ABTB2: variants seen among roughly 807,000 people sequenced by gnomAD.
The protein encoded by ABTB2 is ankyrin repeat and BTB domain containing 2.
In ABTB2, 56 loss-of-function variants were observed where a neutral mutation model predicts 104.1. The observed-to-expected ratio is 0.54, with a 90% confidence interval of 0.43 to 0.67. ABTB2 has a LOEUF of 0.67. Ranked by LOEUF, ABTB2 falls within the 30% of genes least tolerant of loss-of-function variation. The probability of loss-of-function intolerance (pLI) is 0.00; values close to 1 mark genes in which losing one functional copy is unlikely to be tolerated. For synonymous variants in ABTB2, 606 were observed against 608.2 expected (o/e 1.00, Z 0.05); for missense variants, 1,279 against 1,407.7 (o/e 0.91, Z 1.46).
intron 3 of ABTB2, among the ~76,000 whole-genome samples, chr11:34,192,602 C>T (rs1017498247): frequency 5.9e-5 from 9 of 152,316 alleles, no homozygotes; most frequent in South Asian, 4.1e-4. Flanking sequence ...TCCACAGAGG[C>T]GGAGACGTGC....
intron 1 of ABTB2, among the ~76,000 whole-genome samples, chr11:34,285,054 G>A (rs1854488140): frequency 6.6e-6 from 1 of 152,246 alleles, no homozygotes; most frequent in Non-Finnish European, 1.5e-5. Flanking sequence ...TGGACAATCT[G>A]ATAAAGCCTT....
intron 1 of ABTB2, among the ~76,000 whole-genome samples, chr11:34,342,410 T>C (rs779746137): frequency 1.3e-5 from 2 of 152,158 alleles, no homozygotes; most frequent in Non-Finnish European, 2.9e-5. Flanking sequence ...CATTCATTTC[T>C]TTGCTCAGGA....
intron 1 of ABTB2, among the ~76,000 whole-genome samples, chr11:34,227,019 A>G (rs289984): frequency 0.85 from 128,672 of 151,930 alleles, 54,603 homozygotes; most frequent in East Asian, 1. Context: ...CTGAGATGGC[A>G]CCACTGCCCT....
chr11:34,351,644 C>T (rs1174045132), intron 1 of ABTB2, among the ~76,000 whole-genome samples: 1 of 152,120 alleles, frequency 6.6e-6, no homozygotes, highest in Non-Finnish European at 1.5e-5. Flanking sequence ...AATTTTAAAC[C>T]TGTATGGCGG....
At chr11:34,297,945 C>T (rs1303932342) in intron 1 of ABTB2, among the ~76,000 whole-genome samples, 1 of 152,032 alleles carries the variant, frequency 6.6e-6, no homozygotes, top group Non-Finnish European at 1.5e-5. Context: ...GGACATTGGG[C>T]TATCCTGACT....
chr11:34,172,629 C>T (rs914486135), intron 4 of ABTB2, among the ~76,000 whole-genome samples: 12 of 151,902 alleles, frequency 7.9e-5, no homozygotes, highest in South Asian at 4.2e-4. Context: ...AATCTGGGCA[C>T]GGTAAAGTGC....
At chr11:34,253,597 C>T (rs552379283) in intron 1 of ABTB2, among the ~76,000 whole-genome samples, 2 of 152,074 alleles carry the variant, frequency 1.3e-5, no homozygotes, top group East Asian at 1.9e-4. Context: ...AATCCCTTGA[C>T]CCCGGGAGGC....
chr11:34,193,831 G>A (rs1167052260), intron 3 of ABTB2, among the ~76,000 whole-genome samples: 1 of 152,224 alleles, frequency 6.6e-6, no homozygotes, highest in East Asian at 1.9e-4. Flanking sequence ...GATGAAAGGA[G>A]GTTAGAGGCT....
At chr11:34,189,630 T>C (rs1028270112) in intron 3 of ABTB2, among the ~76,000 whole-genome samples, 13 of 152,200 alleles carry the variant, frequency 8.5e-5, no homozygotes, top group African/African-American at 3.1e-4. Context: ...CTAATTTTTA[T>C]GTTTTTAAAG....
chr11:34,231,593 C>T (rs2926466), intron 1 of ABTB2, among the ~76,000 whole-genome samples: 105,346 of 151,944 alleles, frequency 0.69, 36,596 homozygotes, highest in Middle Eastern at 0.8. Flanking sequence ...TCTCCTGAGA[C>T]GAAGTTTCAC....
chr11:34,200,485 C>T lies in ABTB2; in HGVS notation c.1031-2947G>A, dbSNP rs1303291661. Among the ~76,000 whole-genome samples the T allele has an allele frequency of 5.9e-5, 9 of 152,182 alleles. 1 individual carries two copies. Among genetic ancestry groups the T allele is most frequent in the African/African-American group, 1.9e-4 (8 of 41,448 alleles). On this transcript the variant is annotated intron_variant, in intron 2 of 16. Coordinates refer to ENST00000435224, the MANE Select transcript of ABTB2 (RefSeq NM_145804.3). ...AAGCCCTGCTATGGTCAGTTTCTCT[C>T]AGACCAGAAAGACAAATGGCTGCAG... is the stretch of plus-strand genomic sequence containing the variant.
intron 3 of ABTB2, among the ~76,000 whole-genome samples, chr11:34,185,650 A>G (rs769625634): frequency 1.3e-5 from 2 of 152,172 alleles, no homozygotes; most frequent in Non-Finnish European, 2.9e-5. Context: ...CTAAAAAACA[A>G]CCATTCTGAA....
At chr11:34,320,297 A>G (rs1038514874) in intron 1 of ABTB2, among the ~76,000 whole-genome samples, 10 of 152,154 alleles carry the variant, frequency 6.6e-5, no homozygotes, top group Admixed American at 5.2e-4. Context: ...AAAAGAGCAG[A>G]TTTTATTTCT....
Position 34,184,787 on chromosome 11 carries a change from T to C in ABTB2, c.1245-11480A>G, listed in dbSNP as rs571451992. On this transcript the variant is annotated intron_variant, in intron 3 of 16. Transcript: ENST00000435224. ...ATTGGGAAGCAGCTCCCAGGCCTAC[T>C]GGCCACGCCCCACCCATGGGGCTCA... 7.9e-5 allele frequency among the ~76,000 whole-genome samples: 12 copies of C among 152,376 alleles called. No homozygotes were observed. The South Asian group carries it at 2.5e-3, about 32-fold the overall frequency.
At chr11:34,226,768 G>T (rs1853693150) in intron 1 of ABTB2, among the ~76,000 whole-genome samples, 1 of 152,074 alleles carries the variant, frequency 6.6e-6, no homozygotes. Context: ...ACCCCAAAAA[G>T]AAAACGTTTG....
At chr11:34,277,363 T>G (rs1854393416) in intron 1 of ABTB2, among the ~76,000 whole-genome samples, 1 of 152,162 alleles carries the variant, frequency 6.6e-6, no homozygotes, top group Non-Finnish European at 1.5e-5. Context: ...GACCCTGGTA[T>G]TTCAAGAGGG....
intron 1 of ABTB2, among the ~76,000 whole-genome samples, chr11:34,223,164 C>T (rs538202093): frequency 3.3e-5 from 5 of 152,218 alleles, no homozygotes; most frequent in South Asian, 2.1e-4. Flanking sequence ...ACGAGGCTGG[C>T]GTGTGATCTG....
At chr11:34,153,868 G>A (rs1410652248) in intron 16 of ABTB2, among the ~76,000 whole-genome samples, 1 of 152,222 alleles carries the variant, frequency 6.6e-6, no homozygotes, top group East Asian at 1.9e-4. Flanking sequence ...TGAGTTTTGA[G>A]TCTGAGCAAC....
At chr11:34,233,491 C>A (rs1262770599) in intron 1 of ABTB2, among the ~76,000 whole-genome samples, 2 of 151,876 alleles carry the variant, frequency 1.3e-5, no homozygotes, top group Admixed American at 1.3e-4. Context: ...GCTGGGACCA[C>A]AGGGGTACAC....
Sources: allele counts gnomAD v4.1 joint callset (sites outside exome capture counted in the v4.1 genomes callset), GRCh38; gene constraint gnomAD v4.1.1; transcripts MANE v1.5; gene names NCBI Gene and HGNC (gene_info 2026-07-23, HGNC 2026-07-21).